The following CHRM1 variants were observed in gnomAD, a reference collection of about 807,000 sequenced individuals.
The protein encoded by CHRM1 is muscarinic acetylcholine receptor M1.
In CHRM1, 5 loss-of-function variants were observed where a neutral mutation model predicts 31.6. That is an observed-to-expected ratio of 0.16 (90% CI 0.08 to 0.33). The LOEUF is 0.33. Among genes scored for constraint, CHRM1 ranks in the 10% least tolerant of loss-of-function variants. The probability of loss-of-function intolerance (pLI) is 1.00; values close to 1 mark genes in which losing one functional copy is unlikely to be tolerated. For missense variants in CHRM1, 338 were observed against 610.3 expected (o/e 0.55, Z 4.70); for synonymous variants, 227 against 249.7 (o/e 0.91, Z 0.86).
In CHRM1 at chr11:62,909,740, C is replaced by T. The variant is rs764891738; in HGVS notation, c.1361G>A (p.Arg454His). 9 of 1,613,750 alleles carry T rather than the reference C, an allele frequency of 5.6e-6. No individual in the cohort carries two copies. Among genetic ancestry groups the T allele is most frequent in the South Asian group, 2.2e-5 (2 of 91,042 alleles). Residue 454 changes from arginine to histidine, a missense_variant, in exon 2 of 2, where the codon CGC becomes CAC. Arg to His is a conservative substitution (Grantham distance 29). Around this residue, in one of 4 missense-constraint regions of CHRM1, gnomAD observed 68 missense variants for 108.5 expected, o/e 0.63. Coordinates refer to ENST00000306960, the MANE Select transcript of CHRM1 (RefSeq NM_000738.3). ...CTATCAGCATTGGCGGGAGGGAGTG[C>T]GGTGCACGGAGCCAGGGCGCTTGGG... ...KIPKRPGSVH[R>H]TPSRQC
Position 62,909,693 on chromosome 11 carries a change from T to G in CHRM1, c.*25A>C, listed in dbSNP as rs1590648076. The G allele has an allele frequency of 6.2e-7, 1 of 1,604,558 alleles. No homozygotes were observed. The highest frequency in any genetic ancestry group is 8.5e-7 in the Non-Finnish European group (1 of 1,174,678). The stretch of plus-strand genomic sequence containing the variant: ...CACCGGCCTTTCCCGGGGACTGGGG[T>G]GGAGGGATGCAGGAGAGGGGACTAT... On this transcript the variant is annotated 3_prime_UTR_variant, in exon 2 of 2. Coordinates refer to ENST00000306960, the MANE Select transcript of CHRM1 (RefSeq NM_000738.3).
intron 1 of CHRM1, among the ~76,000 whole-genome samples, chr11:62,914,235 C>T (rs1470065185): frequency 3.3e-5 from 5 of 151,994 alleles, no homozygotes; most frequent in African/African-American, 4.8e-5. Flanking sequence ...TGAGCCACCG[C>T]GCCTGGCCTA....
chr11:62,911,018 A>G lies in CHRM1; in HGVS notation c.83T>C (p.Ile28Thr), dbSNP rs778446936. Residue 28 changes from isoleucine (I) to threonine (T), a missense_variant, in exon 2 of 2, where the codon ATT (isoleucine) becomes ACT (threonine). Physicochemically the swap from Ile to Thr is moderately conservative, Grantham distance 89. Transcript: ENST00000306960. ...CGACAGGAGGCCCGTGGTGATCCCA[A>G]TGAAGGCCACTTGCCAGGGACCCTT... is the stretch of plus-strand genomic sequence containing the variant. Reference protein sequence around the residue: ...PGKGPWQVAFIGITTGLLSLA... With the variant: ...PGKGPWQVAFTGITTGLLSLA... 3.7e-6 allele frequency: 6 copies of G among 1,614,168 alleles called. No individual in the cohort carries two copies. Among genetic ancestry groups the G allele is most frequent in the South Asian group, 1.1e-5 (1 of 91,082 alleles).
Position 62,909,612 on chromosome 11 carries a change from C to A in CHRM1, c.*106G>T. On this transcript the variant is annotated 3_prime_UTR_variant, in exon 2 of 2. Coordinates refer to ENST00000306960, the MANE Select transcript of CHRM1 (RefSeq NM_000738.3). The stretch of plus-strand genomic sequence containing the variant: ...GAAGGTGACCCAGGGTCCTGGGAAG[C>A]CAGGTGAGGCCTGAGCAGGGCCCTG... 2.2e-6 allele frequency: 3 copies of A among 1,392,256 alleles called. No homozygotes were observed. Among genetic ancestry groups the A allele is most frequent in the Non-Finnish European group, 2.9e-6 (3 of 1,028,774 alleles). The allele number at this position is 1,392,256 out of a possible 1,614,324, so 86.2% of individuals were successfully genotyped here.
At chr11:62,920,330 A>G (rs879715417) in intron 1 of CHRM1, among the ~76,000 whole-genome samples, 1 of 152,150 alleles carries the variant, frequency 6.6e-6, no homozygotes, top group Non-Finnish European at 1.5e-5. Flanking sequence ...TGACCTAATG[A>G]GAGCTGACGA....
intron 1 of CHRM1, among the ~76,000 whole-genome samples, chr11:62,914,059 A>G (rs190455863): frequency 3.3e-5 from 5 of 151,872 alleles, no homozygotes; most frequent in Admixed American, 1.3e-4. Flanking sequence ...CTCCTGCCTC[A>G]GCCTCCTGAG....
intron 1 of CHRM1, chr11:62,916,902 C>G (rs1335594118): frequency 6.6e-6 from 1 of 152,242 alleles, no homozygotes; most frequent in African/African-American, 2.4e-5. Flanking sequence ...AGAGAAGTCA[C>G]CAGAGGTTCC....
rs1422063980 is a variant in CHRM1 at position 62,911,198 on chromosome 11, G to A, written c.-78-20C>T. On this transcript the variant is annotated intron_variant, in intron 1 of 1. Coordinates refer to ENST00000306960, the MANE Select transcript of CHRM1 (RefSeq NM_000738.3). ...CATCACCTGAAAAGAGAGGACATGG[G>A]CTTTGGTTGGGCCACTGGACATTTC... The A allele has an allele frequency of 8.4e-7, 1 of 1,194,154 alleles. No homozygotes were observed. The highest frequency in any genetic ancestry group is 1.5e-5 in the African/African-American group (1 of 65,484). The allele number at this position is 1,194,154 out of a possible 1,614,324, so 74.0% of individuals were successfully genotyped here. A position where few individuals can be genotyped will look rare whatever the true frequency, so the allele number is the denominator to read the frequency against.
At position 62,910,019 on chromosome 11, in the gene CHRM1, T is replaced by C. The variant is rs777308162; in HGVS notation, c.1082A>G (p.Lys361Arg). ...KRKTFSLVKE[K>R]KAARTLSAIL... Reference sequence around the variant, plus strand: ...GGCACTCAGGGTCCGAGCCGCCTTCTTCTCCTTGACCAGCGAGAAGGTCTT... The same window carrying C: ...GGCACTCAGGGTCCGAGCCGCCTTCCTCTCCTTGACCAGCGAGAAGGTCTT... The change falls in exon 2 of 2, where the codon AAG becomes AGG. Residue 361 changes from lysine to arginine, a missense_variant. By Grantham distance (26) the Lys-to-Arg change is conservative. This residue lies in a region of CHRM1 where 183 missense variants were observed against 223.4 expected (regional missense o/e 0.82). Transcript: ENST00000306960. The surrounding 1 kb of genome is among the most constrained non-coding windows in gnomAD (Gnocchi z 8.7). The C allele has an allele frequency of 6.2e-7, 1 of 1,613,954 alleles. No individual in the cohort carries two copies. Among genetic ancestry groups the C allele is most frequent in the Non-Finnish European group, 8.5e-7 (1 of 1,180,014 alleles).
At chr11:62,915,164 G>T (rs2085893880) in intron 1 of CHRM1, among the ~76,000 whole-genome samples, 1 of 105,458 alleles carries the variant, frequency 9.5e-6, no homozygotes, top group Admixed American at 1.5e-4. Context: ...GACAGAGTGA[G>T]ACCCTGTCTC....
rs2085865635 is a variant in CHRM1, at chr11:62,910,621, G to A, written c.480C>T (p.Ala160=). ...CTACCAGGTACTGCCAGAAGAGGAT[G>A]GCTGGGGCCCAGAGCACAAAGGAAA... The part of the protein sequence containing the change: ...WLVSFVLWAP[A]ILFWQYLVGE... Residue 160 remains alanine, a synonymous_variant, in exon 2 of 2, where the codon GCC becomes GCT. Coordinates refer to ENST00000306960, the MANE Select transcript of CHRM1 (RefSeq NM_000738.3). This position sits in a 1 kb window ranked among gnomAD's most constrained non-coding sequence, Gnocchi z 8.7. 1.2e-6 allele frequency: 2 copies of A among 1,614,204 alleles called. 1 individual carries two copies. Among genetic ancestry groups the A allele is most frequent in the South Asian group, 2.2e-5 (2 of 91,086 alleles).
At chr11:62,919,848 T>C (rs2085922559) in intron 1 of CHRM1, among the ~76,000 whole-genome samples, 1 of 152,214 alleles carries the variant, frequency 6.6e-6, no homozygotes, top group Non-Finnish European at 1.5e-5. Flanking sequence ...TCTCCGACCA[T>C]GAGCATGTCC....
chr11:62,919,273 A>G (rs1346988956), intron 1 of CHRM1, among the ~76,000 whole-genome samples: 5 of 152,192 alleles, frequency 3.3e-5, no homozygotes, highest in Admixed American at 6.5e-5. Context: ...AACAGAATTT[A>G]TCACATTTTT....
At chr11:62,921,614 A>G (rs1030739653), upstream of CHRM1, 2 of 152,728 alleles carry the variant, frequency 1.3e-5, no homozygotes, top group Non-Finnish European at 2.9e-5. Flanking sequence ...GAAGGCGGAT[A>G]CAGGGAGACA....
At chr11:62,913,400 G>A (rs763766866) in intron 1 of CHRM1, among the ~76,000 whole-genome samples, 3 of 152,162 alleles carry the variant, frequency 2.0e-5, no homozygotes, top group East Asian at 1.9e-4. Flanking sequence ...GGCCGGGTGC[G>A]GTGGCTCACG....
chr11:62,920,288 C>A (rs570714227), intron 1 of CHRM1, among the ~76,000 whole-genome samples: 84 of 152,318 alleles, frequency 5.5e-4, no homozygotes, highest in African/African-American at 1.9e-3. Context: ...TCTCCATTGG[C>A]TCTGATAACC....
rs774268894 is a variant in CHRM1 at position 62,910,675 on chromosome 11, T to A, written c.426A>T (p.Ala142=). 1 of 1,614,098 alleles carries A rather than the reference T, an allele frequency of 6.2e-7. No homozygotes were observed. Among genetic ancestry groups the A allele is most frequent in the Non-Finnish European group, 8.5e-7 (1 of 1,180,014 alleles). The change falls in exon 2 of 2, where the codon GCA becomes GCT. Residue 142 remains alanine (A), a synonymous_variant. Coordinates refer to ENST00000306960, the MANE Select transcript of CHRM1 (RefSeq NM_000738.3). This position sits in a 1 kb window ranked among gnomAD's most constrained non-coding sequence, Gnocchi z 8.7. ...SYRAKRTPRR[A]ALMIGLAWLV... is the part of the protein sequence containing the mutation. ...GCCAGGCCAGGCCGATCATCAGAGC[T>A]GCCCGGCGGGGTGTGCGCTTGGCAC...
rs756271940 is a variant in CHRM1, at chr11:62,910,373, C to T, written c.728G>A (p.Arg243Lys). ...TGAGCCCTCAGCCCCTGGCTGAGAC[C>T]TCTCTGAGCTGCTGCTGCTGCCACC... is the stretch of plus-strand genomic sequence containing the variant. Reference protein sequence around the residue: ...KGGGSSSSSERSQPGAEGSPE... With the variant: ...KGGGSSSSSEKSQPGAEGSPE... Residue 243 changes from arginine to lysine, a missense_variant, in exon 2 of 2, where the codon AGG becomes AAG. Physicochemically the swap from Arg to Lys is conservative, Grantham distance 26. Transcript: ENST00000306960. This position sits in a 1 kb window ranked among gnomAD's most constrained non-coding sequence, Gnocchi z 8.7. 8.1e-6 allele frequency: 13 copies of T among 1,610,280 alleles called. No individual in the cohort carries two copies. The Admixed American group carries it at 1.8e-4, about 23-fold the overall frequency.
At chr11:62,911,277 T>A in intron 1 of CHRM1, 99 bp from the exon 2 acceptor site, 3 of 635,326 alleles carry the variant, frequency 4.7e-6, no homozygotes. Flanking sequence ...TTGCAGAGCT[T>A]CAGACCAGAT....
Sources: allele counts gnomAD v4.1 joint callset (sites outside exome capture counted in the v4.1 genomes callset), GRCh38; gene constraint gnomAD v4.1.1; regional missense constraint gnomAD v4.1.1; non-coding constraint Gnocchi (gnomAD v3.1); transcripts MANE v1.5; gene names NCBI Gene and HGNC (gene_info 2026-07-23, HGNC 2026-07-21).